FHOD3: variants seen among roughly 807,000 people sequenced by gnomAD.
FHOD3 encodes formin homology 2 domain containing 3.
In FHOD3, 90 loss-of-function variants were observed where a neutral mutation model predicts 173.0. That is an observed-to-expected ratio of 0.52 (90% CI 0.44 to 0.62). FHOD3 has a LOEUF of 0.62. Among genes scored for constraint, FHOD3 ranks in the 20% least tolerant of loss-of-function variants. The pLI is 0.00. For synonymous variants in FHOD3, 828 were observed against 823.0 expected (o/e 1.01, Z -0.10); for missense variants, 1,945 against 2,034.7 (o/e 0.96, Z 0.85).
At chr18:36,709,655 C>A (rs961048060) in intron 18 of FHOD3, 4 of 445,432 alleles carry the variant, frequency 9.0e-6, no homozygotes, top group Non-Finnish European at 1.6e-5. Context: ...GAAAAGGGCC[C>A]CGATAAGGAG....
In FHOD3 at chr18:36,566,743, G is replaced by A. The variant is rs548100509; in HGVS notation, c.512-9708G>A. Among the ~76,000 whole-genome samples, 358 of 152,278 alleles carry A rather than the reference G, an allele frequency of 2.4e-3. 1 individual carries two copies. The highest frequency in any genetic ancestry group is 8.2e-3 in the African/African-American group (339 of 41,550). On this transcript the variant is annotated intron_variant, in intron 5 of 28. Transcript: ENST00000590592. ...CTGAACCTGGGGCAGTAGTAGAGAGGAAGAGAAGACCTGTCTCAGAGGAAC... is the reference window on the plus strand; with the variant it reads ...CTGAACCTGGGGCAGTAGTAGAGAGAAAGAGAAGACCTGTCTCAGAGGAAC...
intron 3 of FHOD3, among the ~76,000 whole-genome samples, chr18:36,406,625 A>G (rs1175478225): frequency 6.6e-6 from 1 of 152,180 alleles, no homozygotes; most frequent in Non-Finnish European, 1.5e-5. Flanking sequence ...TTTAGAATGA[A>G]TGAATTTGAT....
At chr18:36,541,265 A>G (rs2057204438) in intron 5 of FHOD3, among the ~76,000 whole-genome samples, 1 of 147,952 alleles carries the variant, frequency 6.8e-6, no homozygotes, top group Non-Finnish European at 1.5e-5. Flanking sequence ...AAAAAAAAAA[A>G]AAAAAAAGAA....
intron 28 of FHOD3, among the ~76,000 whole-genome samples, chr18:36,773,481 G>A (rs1238263400): frequency 6.6e-6 from 1 of 152,202 alleles, no homozygotes; most frequent in Admixed American, 6.5e-5. Flanking sequence ...CCATGCTCAG[G>A]AATGCACACA....
chr18:36,691,168 G>A (rs1376604581), intron 16 of FHOD3, among the ~76,000 whole-genome samples: 2 of 152,170 alleles, frequency 1.3e-5, no homozygotes, highest in Non-Finnish European at 1.5e-5. Flanking sequence ...CCACAGAGAG[G>A]CATGCAGAAG....
chr18:36,513,983 T>A (rs2055808570), intron 5 of FHOD3, among the ~76,000 whole-genome samples: 1 of 151,486 alleles, frequency 6.6e-6, no homozygotes, highest in African/African-American at 2.4e-5. Context: ...TCAGGAGAGA[T>A]GCTTTATTGC....
At chr18:36,547,813 G>C in intron 5 of FHOD3, among the ~76,000 whole-genome samples, 1 of 152,284 alleles carries the variant, frequency 6.6e-6, no homozygotes, top group East Asian at 1.9e-4. Flanking sequence ...CAGCTGCTTC[G>C]TGAGGTTGGT....
chr18:36,692,701 C>T (rs957455132), intron 16 of FHOD3, among the ~76,000 whole-genome samples: 4 of 152,096 alleles, frequency 2.6e-5, no homozygotes, highest in African/African-American at 9.7e-5. Flanking sequence ...AAGTGAATTC[C>T]AGTTACATTG....
At chr18:36,748,385 ACACACACACAC>A (rs2042254000) in intron 24 of FHOD3, among the ~76,000 whole-genome samples, 24 of 89,952 alleles carry the variant, frequency 2.7e-4, no homozygotes, top group African/African-American at 9.9e-4. Flanking sequence ...CACACACAAC[ACACACACACAC>A]ACACACACAC....
At chr18:36,566,417 A>T (rs1213223853) in intron 5 of FHOD3, among the ~76,000 whole-genome samples, 3 of 152,308 alleles carry the variant, frequency 2.0e-5, no homozygotes, top group South Asian at 4.1e-4. Context: ...ACTTACAGAA[A>T]ATTGATAGGT....
At chr18:36,455,577 A>T (rs995249619) in intron 3 of FHOD3, among the ~76,000 whole-genome samples, 2 of 39,206 alleles carry the variant, frequency 5.1e-5, no homozygotes, top group African/African-American at 2.3e-4. Context: ...ACCTTTAATT[A>T]AAAAAAAAAA....
intron 15 of FHOD3, among the ~76,000 whole-genome samples, chr18:36,686,010 G>T (rs2038587228): frequency 6.6e-6 from 1 of 152,120 alleles, no homozygotes; most frequent in Non-Finnish European, 1.5e-5. Context: ...TGTGGAGAAG[G>T]AATCCTGGGT....
chr18:36,666,202 A>C (rs1384113634), intron 14 of FHOD3, among the ~76,000 whole-genome samples: 2 of 152,228 alleles, frequency 1.3e-5, no homozygotes, highest in African/African-American at 4.8e-5. Flanking sequence ...ATCTGCACTG[A>C]AGCAGTGTGT....
At chr18:36,573,640 T>C (rs1304686691) in intron 5 of FHOD3, among the ~76,000 whole-genome samples, 1 of 152,112 alleles carries the variant, frequency 6.6e-6, no homozygotes, top group Admixed American at 6.6e-5. Flanking sequence ...TAATGTGATG[T>C]TGCTTTTTAC....
At chr18:36,525,187 T>C (rs990849234) in intron 5 of FHOD3, among the ~76,000 whole-genome samples, 1 of 152,108 alleles carries the variant, frequency 6.6e-6, no homozygotes, top group African/African-American at 2.4e-5. Flanking sequence ...GCAGATGTAA[T>C]TAAGGTCCCA....
intron 3 of FHOD3, among the ~76,000 whole-genome samples, chr18:36,465,653 A>C (rs1449831260): frequency 6.6e-6 from 1 of 152,080 alleles, no homozygotes; most frequent in Non-Finnish European, 1.5e-5. Flanking sequence ...GAGATTGATC[A>C]CCCACACATT....
At chr18:36,604,258 T>C (rs2031803494) in intron 8 of FHOD3, among the ~76,000 whole-genome samples, 1 of 152,158 alleles carries the variant, frequency 6.6e-6, no homozygotes, top group Non-Finnish European at 1.5e-5. Flanking sequence ...CCATCTGCAG[T>C]GATGGTTAGG....
chr18:36,596,255 C>T (rs986681561), intron 7 of FHOD3, among the ~76,000 whole-genome samples: 1 of 150,686 alleles, frequency 6.6e-6, no homozygotes, highest in African/African-American at 2.4e-5. Context: ...CGTGGGTTCA[C>T]GCCATTCTCC....
chr18:36,642,645 TATA>T (rs1019417522), intron 10 of FHOD3, among the ~76,000 whole-genome samples: 2 of 151,686 alleles, frequency 1.3e-5, no homozygotes, highest in Non-Finnish European at 2.9e-5. Flanking sequence ...TTGGGTTAAT[TATA>T]ATCCTTTGTT....
Sources: gnomAD v4.1 joint callset for allele counts (sites outside exome capture counted in the v4.1 genomes callset) on GRCh38, gnomAD v4.1.1 for gene constraint, MANE v1.5 for transcripts, NCBI Gene and HGNC (gene_info 2026-07-23, HGNC 2026-07-21) for gene names.